The following GARIN1A variants were observed in gnomAD, a reference collection of about 807,000 sequenced individuals.
The protein encoded by GARIN1A is golgi associated RAB2 interactor 1A, also known as Golgi-associated RAB2 interactor protein 1A.
At chr7:128,680,564 C>T in the GARIN1A span, among the ~76,000 whole-genome samples, 1 of 113,760 alleles carries the variant, frequency 8.8e-6, no homozygotes, top group Non-Finnish European at 1.9e-5. Flanking sequence ...TTCTTTCTTT[C>T]TTTTTATTTT....
the GARIN1A span, among the ~76,000 whole-genome samples, chr7:128,699,907 T>C: frequency 2.0e-5 from 3 of 152,226 alleles, no homozygotes; most frequent in Non-Finnish European, 4.4e-5. Flanking sequence ...AGTTTTATTT[T>C]TTTTTATGTT....
the GARIN1A span, among the ~76,000 whole-genome samples, chr7:128,696,904 T>G: frequency 6.6e-6 from 1 of 152,100 alleles, no homozygotes; most frequent in African/African-American, 2.4e-5. Flanking sequence ...ACTACTTGAG[T>G]CTAGACCCTA....
chr7:128,676,249 A>G, the GARIN1A span, among the ~76,000 whole-genome samples: 40,893 of 151,492 alleles, frequency 0.27, 5,869 homozygotes, highest in East Asian at 0.54. Context: ...TGATCTCGTG[A>G]TCCACCTGCC....
At chr7:128,708,016 T>C in the GARIN1A span, among the ~76,000 whole-genome samples, 2 of 145,094 alleles carry the variant, frequency 1.4e-5, no homozygotes, top group Non-Finnish European at 3.0e-5. Flanking sequence ...TCTTTTCTTT[T>C]GTTTTCTTTT....
At chr7:128,707,321 G>A in the GARIN1A span, among the ~76,000 whole-genome samples, 1 of 151,578 alleles carries the variant, frequency 6.6e-6, no homozygotes, top group Non-Finnish European at 1.5e-5. Context: ...TTAGTGGTAG[G>A]CATGATGCCT....
the GARIN1A span, among the ~76,000 whole-genome samples, chr7:128,678,449 A>G: frequency 6.6e-6 from 1 of 152,220 alleles, no homozygotes; most frequent in African/African-American, 2.4e-5. Context: ...CAAGGCTCTT[A>G]ACACATATTG....
the GARIN1A span, chr7:128,684,231 AG>A: frequency 1.3e-5 from 2 of 152,264 alleles, no homozygotes; most frequent in Non-Finnish European, 2.9e-5. Flanking sequence ...ATAGAGGTTG[AG>A]CTACTGCAAG....
At chr7:128,690,647 T>G in the GARIN1A span, 1 of 152,300 alleles carries the variant, frequency 6.6e-6, no homozygotes, top group East Asian at 1.9e-4. Context: ...TTAAAAAATC[T>G]TTTTCCACAT....
chr7:128,690,660 T>C, the GARIN1A span: 1 of 152,188 alleles, frequency 6.6e-6, no homozygotes. Context: ...TTCCACATGT[T>C]CTATGCAATT....
chr7:128,678,767 T>C, the GARIN1A span, among the ~76,000 whole-genome samples: 1 of 145,862 alleles, frequency 6.9e-6, no homozygotes. Context: ...GCCACTTTAC[T>C]CCAGCCTGGG....
chr7:128,692,152 T>C, the GARIN1A span, among the ~76,000 whole-genome samples: 27,032 of 152,142 alleles, frequency 0.18, 2,544 homozygotes, highest in Middle Eastern at 0.27. Flanking sequence ...CTGCATGTTT[T>C]CTACGTGTAC....
At chr7:128,706,428 C>T in the GARIN1A span, among the ~76,000 whole-genome samples, 1 of 152,164 alleles carries the variant, frequency 6.6e-6, no homozygotes, top group Non-Finnish European at 1.5e-5. Context: ...CACGCACACA[C>T]ATCCATATAT....
the GARIN1A span, among the ~76,000 whole-genome samples, chr7:128,705,997 A>G: frequency 1.3e-5 from 2 of 152,002 alleles, no homozygotes; most frequent in African/African-American, 4.8e-5. Context: ...TACAATTAAG[A>G]GTTGGCATTC....
the GARIN1A span, among the ~76,000 whole-genome samples, chr7:128,677,351 T>C: frequency 1 from 150,735 of 150,796 alleles, 75,337 homozygotes; most frequent in Middle Eastern, 1. Context: ...ACTAAAAATA[T>C]AAAAAATTAG....
chr7:128,690,221 G>A, the GARIN1A span, among the ~76,000 whole-genome samples: 23,123 of 152,024 alleles, frequency 0.15, 1,985 homozygotes, highest in East Asian at 0.36. Context: ...TGCTCGTTAA[G>A]AGTCATCACC....
chr7:128,687,232 A>G, the GARIN1A span: 1 of 152,140 alleles, frequency 6.6e-6, no homozygotes, highest in South Asian at 2.1e-4. Flanking sequence ...AATTGTGGCT[A>G]TTTGTTTACA....
the GARIN1A span, chr7:128,686,382 T>C: frequency 6.6e-6 from 1 of 152,164 alleles, no homozygotes; most frequent in Admixed American, 6.6e-5. Context: ...ATCTTATTAT[T>C]ACATTTTATA....
the GARIN1A span, chr7:128,680,067 G>A: frequency 2.3e-5 from 37 of 1,580,306 alleles, no homozygotes; most frequent in South Asian, 2.1e-4. Flanking sequence ...CCAGCCCAGC[G>A]AGCCCCTCGT....
the GARIN1A span, among the ~76,000 whole-genome samples, chr7:128,703,776 CA>C: frequency 0.65 from 92,997 of 143,196 alleles, 29,332 homozygotes; most frequent in African/African-American, 0.7. Context: ...CATCCTGTCT[CA>C]AAAAAAAAAA....
Sources: gnomAD v4.1 joint callset for allele counts (sites outside exome capture counted in the v4.1 genomes callset) on GRCh38, gnomAD v4.1.1 for gene constraint, MANE v1.5 for transcripts, NCBI Gene and HGNC (gene_info 2026-07-23, HGNC 2026-07-21) for gene names.